CAPN7: variants seen among roughly 807,000 people sequenced by gnomAD.
CAPN7 encodes the protein calpain 7, also known as calpain-7.
Under a neutral mutation model 115.2 loss-of-function variants are expected in CAPN7, and 72 were observed. The ratio of observed to expected loss-of-function variants is 0.63; its 90% CI spans 0.52 to 0.76. The LOEUF (loss-of-function observed/expected upper bound fraction) is 0.76. Ranked by LOEUF, CAPN7 falls within the 30% of genes least tolerant of loss-of-function variation. CAPN7 has a pLI of 0.00. For missense variants in CAPN7, 905 were observed against 971.5 expected, an observed-to-expected ratio of 0.93 and a Z score of 0.91; for synonymous variants, 344 against 322.3, an observed-to-expected ratio of 1.07 and a Z score of -0.72.
chr3:15,221,065 T>TA (rs1212053238), intron 5 of CAPN7, 84 bp downstream of exon 5: 1 of 1,061,766 alleles, frequency 9.4e-7, no homozygotes, highest in African/African-American at 1.6e-5. Flanking sequence ...TGCTGAATTG[T>TA]ATTCAGATTT....
At chr3:15,241,018 A>C (rs1695312500) in intron 14 of CAPN7, among the ~76,000 whole-genome samples, 165 bp downstream of exon 14, 1 of 152,200 alleles carries the variant, frequency 6.6e-6, no homozygotes, top group South Asian at 2.1e-4. Context: ...CAGGTTGGGC[A>C]ACATGGCAAA....
intron 11 of CAPN7, among the ~76,000 whole-genome samples, chr3:15,234,238 C>T (rs1205487869): frequency 1.3e-5 from 2 of 152,134 alleles, no homozygotes; most frequent in Admixed American, 6.5e-5. Context: ...ATCGCTTGAA[C>T]GCAGGAGGCA....
chr3:15,232,250 G>A (rs1694735981), intron 9 of CAPN7: 1 of 353,028 alleles, frequency 2.8e-6, no homozygotes, highest in Non-Finnish European at 5.2e-6. Context: ...CAGATGCTCA[G>A]CCTTTTAATT....
At chr3:15,215,671 A>T (rs1559386817) in intron 2 of CAPN7, among the ~76,000 whole-genome samples, 1 of 152,238 alleles carries the variant, frequency 6.6e-6, no homozygotes, top group East Asian at 1.9e-4. Context: ...TCAATACTTC[A>T]TTGCTTTTTA....
In CAPN7 at chr3:15,227,260, A is replaced by T. The variant is rs116088043; in HGVS notation, c.726-579A>T. Among the ~76,000 whole-genome samples, 561 of 152,306 alleles carry T rather than the reference A, an allele frequency of 3.7e-3. 4 individuals carry two copies. Among genetic ancestry groups the T allele is most frequent in the Non-Finnish European group, 6.5e-3 (439 of 68,026 alleles). On this transcript the variant is annotated intron_variant, in intron 6 of 20. Transcript: ENST00000253693. ...TTTGGCACCAGAGACCTGGATTCAGATGCCAGTTCTGCTGTTTCTTAGGTG... is the reference window on the plus strand; with the variant it reads ...TTTGGCACCAGAGACCTGGATTCAGTTGCCAGTTCTGCTGTTTCTTAGGTG...
intron 3 of CAPN7, among the ~76,000 whole-genome samples, chr3:15,218,215 C>T (rs554673664): frequency 4.4e-4 from 67 of 152,240 alleles, no homozygotes; most frequent in Non-Finnish European, 6.9e-4. Flanking sequence ...TGCCACTCAG[C>T]GTTCCACAGC....
At chr3:15,236,838 C>G (rs1223871779) in intron 12 of CAPN7, among the ~76,000 whole-genome samples, 1 of 152,180 alleles carries the variant, frequency 6.6e-6, no homozygotes, top group Non-Finnish European at 1.5e-5. Context: ...GTATAGGGCA[C>G]TTACATGGTT....
rs1021111660 is a variant in CAPN7, at chr3:15,220,989, A to C, written c.638+8A>C. 1.2e-6 allele frequency: 2 copies of C among 1,606,944 alleles called. No homozygotes were observed. The highest frequency in any genetic ancestry group is 2.2e-5 in the South Asian group (2 of 90,826). ...AGAAATAGAAGTACTCAGGTAAATA[A>C]GTTTACAATTAATTGTAATGAAGAA... is the stretch of plus-strand genomic sequence containing the variant. On this transcript the variant is annotated splice_region_variant and intron_variant, in intron 5 of 20. Transcript: ENST00000253693.
chr3:15,232,287 CAATT>C (rs1372232662), intron 9 of CAPN7: 14 of 386,156 alleles, frequency 3.6e-5, no homozygotes, highest in Admixed American at 4.7e-5. Flanking sequence ...GACATTTAAT[CAATT>C]GATTGAAGGT....
At chr3:15,218,730 T>C (rs1208153135) in intron 4 of CAPN7, among the ~76,000 whole-genome samples, 190 bp downstream of exon 4, 3 of 152,186 alleles carry the variant, frequency 2.0e-5, no homozygotes, top group East Asian at 3.8e-4. Flanking sequence ...ACTCAAGAAA[T>C]AGCAAATCAA....
Position 15,241,538 on chromosome 3 carries a change from CAG to C in CAPN7, c.1739_1740del (p.Gln580ArgfsTer10). 1 of 1,614,094 alleles carries C rather than the reference CAG, an allele frequency of 6.2e-7. No individual in the cohort carries two copies. The highest frequency in any genetic ancestry group is 8.5e-7 in the Non-Finnish European group (1 of 1,180,006). ...GTACAAACTGGAGGTGCAGTGTCCA[CAG>C]GGGGGTGCTGCAGTTTGGGTTTTGC... ...PQYKLEVQCP[Q>X]GGAAVWVLLS... On this transcript the variant is annotated frameshift_variant, in exon 15 of 21. Transcript: ENST00000253693. LOFTEE classifies it high-confidence loss of function.
At position 15,252,370 on chromosome 3, in the gene CAPN7, GATT is replaced by G. The variant is rs1213544295; in HGVS notation, c.*1114_*1116del. 2 of 152,594 alleles carry G rather than the reference GATT, an allele frequency of 1.3e-5. No homozygotes were observed. The highest frequency in any genetic ancestry group is 2.9e-5 in the Non-Finnish European group (2 of 68,012). 9.5% of individuals were successfully genotyped at this position (152,594 alleles called of 1,614,324 possible). ...GTCGTGTTTCATGTAAATGAGAACAGATTATTTGCATGAAAATATATACTTCAA... is the reference window on the plus strand; with the variant it reads ...GTCGTGTTTCATGTAAATGAGAACAGATTTGCATGAAAATATATACTTCAA... On this transcript the variant is annotated 3_prime_UTR_variant, in exon 21 of 21. Coordinates refer to ENST00000253693, the MANE Select transcript of CAPN7 (RefSeq NM_014296.3).
chr3:15,215,084 A>C (rs752261282), intron 2 of CAPN7, among the ~76,000 whole-genome samples: 2 of 152,204 alleles, frequency 1.3e-5, no homozygotes, highest in African/African-American at 2.4e-5. Flanking sequence ...CATCAATGGA[A>C]TTAGTATATA....
chr3:15,248,201 TA>T (rs1282989896), intron 19 of CAPN7, among the ~76,000 whole-genome samples: 1 of 151,490 alleles, frequency 6.6e-6, no homozygotes, highest in Admixed American at 6.6e-5. Flanking sequence ...TAAATAAAAA[TA>T]AAAAAATAAA....
In CAPN7 at chr3:15,206,364, C is replaced by T; in HGVS notation, c.-132C>T. On this transcript the variant is annotated 5_prime_UTR_variant, in exon 1 of 21. Transcript: ENST00000253693. ...CAACGGGAAGGCGAGCTCTCCTCCA[C>T]CGTCCAAAGTAAACTTTGCCGCTCC... 1 of 647,320 alleles carries T rather than the reference C, an allele frequency of 1.5e-6. No homozygotes were observed. Among genetic ancestry groups the T allele is most frequent in the Non-Finnish European group, 2.6e-6 (1 of 378,290 alleles). The allele number at this position is 647,320 out of a possible 1,614,324, so 40.1% of individuals were successfully genotyped here. A position where few individuals can be genotyped will look rare whatever the true frequency, so the allele number is the denominator to read the frequency against.
chr3:15,215,320 T>C (rs940980645), intron 2 of CAPN7, among the ~76,000 whole-genome samples: 1 of 152,240 alleles, frequency 6.6e-6, no homozygotes, highest in Admixed American at 6.5e-5. Context: ...TCTCAGACTT[T>C]TCTTAAATAG....
chr3:15,210,977 C>G, intron 1 of CAPN7: 2 of 1,119,642 alleles, frequency 1.8e-6, no homozygotes, highest in Non-Finnish European at 2.2e-6. Flanking sequence ...GCATTGGTAA[C>G]CTTCCTGGAA....
At chr3:15,225,750 A>G (rs539815159) in intron 6 of CAPN7, among the ~76,000 whole-genome samples, 107 of 152,360 alleles carry the variant, frequency 7.0e-4, no homozygotes, top group African/African-American at 2.3e-3. Context: ...AGTGCCTACC[A>G]CAGTATCTGG....
chr3:15,231,729 C>T (rs372559790), intron 9 of CAPN7, among the ~76,000 whole-genome samples: 2 of 152,006 alleles, frequency 1.3e-5, no homozygotes, highest in Admixed American at 1.3e-4. Flanking sequence ...AGAGTTTCAC[C>T]GTGTTAGCCA....
Sources: gnomAD v4.1 joint callset for allele counts (sites outside exome capture counted in the v4.1 genomes callset) on GRCh38, gnomAD v4.1.1 for gene constraint, MANE v1.5 for transcripts, NCBI Gene and HGNC (gene_info 2026-07-23, HGNC 2026-07-21) for gene names.